AKAP8: variants seen among roughly 807,000 people sequenced by gnomAD.
AKAP8 encodes the protein A-kinase anchor protein 8.
In AKAP8, 24 loss-of-function variants were observed where a neutral mutation model predicts 67.5. That is an observed-to-expected ratio of 0.36 (90% CI 0.26 to 0.50). The LOEUF (loss-of-function observed/expected upper bound fraction) is 0.50, where lower values mean the gene tolerates loss of function less well. Among genes scored for constraint, AKAP8 ranks in the 20% least tolerant of loss-of-function variants. AKAP8 has a pLI of 0.97. For missense variants in AKAP8, 971 were observed against 955.9 expected (o/e 1.02, Z -0.21); for synonymous variants, 400 against 371.1 (o/e 1.08, Z -0.90).
chr19:15,362,930 C>T (rs954954920), intron 9 of AKAP8, among the ~76,000 whole-genome samples: 2 of 151,806 alleles, frequency 1.3e-5, no homozygotes, highest in African/African-American at 4.8e-5. Flanking sequence ...TCTTCCCGGC[C>T]GCCATCACAT....
intron 7 of AKAP8, among the ~76,000 whole-genome samples, chr19:15,370,999 G>A (rs1967148113): frequency 6.6e-6 from 1 of 152,184 alleles, no homozygotes; most frequent in African/African-American, 2.4e-5. Flanking sequence ...TCTGAACAGA[G>A]CTGACTCCTT....
chr19:15,363,421 C>T (rs1458457570), intron 9 of AKAP8, among the ~76,000 whole-genome samples: 4 of 149,696 alleles, frequency 2.7e-5, no homozygotes, highest in Admixed American at 6.6e-5. Context: ...TCTGCCCGGC[C>T]GCCCCTACTG....
At chr19:15,357,839 G>A (rs945608242) in intron 13 of AKAP8, among the ~76,000 whole-genome samples, 5 of 149,744 alleles carry the variant, frequency 3.3e-5, no homozygotes, top group East Asian at 2.0e-4. Context: ...ATGCCACCAC[G>A]CCTGGCTAAT....
chr19:15,371,537 G>A (rs569057664), intron 7 of AKAP8, among the ~76,000 whole-genome samples: 1 of 151,172 alleles, frequency 6.6e-6, no homozygotes, highest in South Asian at 2.1e-4. Flanking sequence ...CGCCCAGGCT[G>A]GGGTGCAGTG....
chr19:15,375,642 GT>G (rs58762120), intron 2 of AKAP8, among the ~76,000 whole-genome samples: 5 of 142,440 alleles, frequency 3.5e-5, no homozygotes, highest in African/African-American at 2.6e-5. Flanking sequence ...TTTTTTTTTT[GT>G]TTTTTTTTTT....
At chr19:15,373,686 A>G in intron 4 of AKAP8, 100 bp downstream of exon 4, 2 of 1,373,832 alleles carry the variant, frequency 1.5e-6, no homozygotes, top group Non-Finnish European at 1.9e-6. Context: ...CCCAAGAGGG[A>G]GGCGGGGACA....
At position 15,369,335 on chromosome 19, in the gene AKAP8, G is replaced by T. The variant is rs915504371; in HGVS notation, c.1072+811C>A. 1.1e-6 allele frequency: 1 copy of T among 895,432 alleles called. No homozygotes were observed. Among genetic ancestry groups the T allele is most frequent in the African/African-American group, 1.8e-5 (1 of 55,456 alleles). The allele number at this position is 895,432 out of a possible 1,614,324, so 55.5% of individuals were successfully genotyped here. On this transcript the variant is annotated intron_variant, in intron 8 of 13. Transcript: ENST00000269701. This position sits in a 1 kb window ranked among gnomAD's most constrained non-coding sequence, Gnocchi z 4.6. Reference sequence around the variant, plus strand: ...GGGTCGCGGGGGGGAGGACCGCAGAGGGCTGGCAAAGCCTGAACAGGAGGA... The same window carrying T: ...GGGTCGCGGGGGGGAGGACCGCAGATGGCTGGCAAAGCCTGAACAGGAGGA...
chr19:15,362,305 C>A, intron 9 of AKAP8, 54 bp from the exon 10 acceptor site: 1 of 1,596,504 alleles, frequency 6.3e-7, no homozygotes, highest in Admixed American at 1.7e-5. Flanking sequence ...GCGAGTGAAG[C>A]AGGGGGCATC....
intron 9 of AKAP8, among the ~76,000 whole-genome samples, chr19:15,364,802 C>T (rs1015951626): frequency 3.9e-5 from 6 of 151,908 alleles, no homozygotes; most frequent in Non-Finnish European, 7.4e-5. Context: ...TTCTTTTTCT[C>T]GAGATGAGAT....
chr19:15,361,683 C>A (rs747826001), intron 11 of AKAP8, 46 bp downstream of exon 11: 1 of 1,544,072 alleles, frequency 6.5e-7, no homozygotes, highest in Non-Finnish European at 9.0e-7. Context: ...CTGTCACATG[C>A]CTTACTACCA....
intron 13 of AKAP8, 117 bp downstream of exon 13, chr19:15,358,850 C>CA (rs972935563): frequency 3.2e-6 from 3 of 923,834 alleles, no homozygotes; most frequent in Non-Finnish European, 5.2e-6. Flanking sequence ...CAGTGTCCCT[C>CA]AACTGTCAAA....
intron 9 of AKAP8, 109 bp downstream of exon 9, chr19:15,368,126 A>C: frequency 7.0e-7 from 1 of 1,427,294 alleles, no homozygotes; most frequent in Non-Finnish European, 9.6e-7. Context: ...TGGCCAGAGG[A>C]GTCAGGCCAC....
chr19:15,367,256 G>A (rs534775348), intron 9 of AKAP8, among the ~76,000 whole-genome samples: 6 of 152,278 alleles, frequency 3.9e-5, no homozygotes, highest in Admixed American at 2.0e-4. Flanking sequence ...CAGACTGGGC[G>A]CAGTGGCTCA....
rs778036536 is a variant in AKAP8 at position 15,372,399 on chromosome 19, C to T, written c.862-52G>A. 4.4e-5 allele frequency: 71 copies of T among 1,598,488 alleles called. No individual in the cohort carries two copies. In the Middle Eastern group the frequency reaches 1.0e-3, roughly 22 times the overall value. ...GCTACTTACGAGGGCCATGAAGATG[C>T]CCCACAGAAAAGAACAAGGAGGTTG... On this transcript the variant is annotated intron_variant, in intron 5 of 13. Transcript: ENST00000269701.
Position 15,354,767 on chromosome 19 carries a change from C to A in AKAP8, c.*148G>T, listed in dbSNP as rs780670077. The A allele has an allele frequency of 1.0e-5, 9 of 886,394 alleles. No individual in the cohort carries two copies. The highest frequency in any genetic ancestry group is 1.5e-5 in the Non-Finnish European group (9 of 590,712). The allele number at this position is 886,394 out of a possible 1,614,324, so 54.9% of individuals were successfully genotyped here. ...TGCATGAGACAAGCCGTGAGAGGCACTGCTCAGGAGGAAACGCTGGGTCTC... is the reference window on the plus strand; with the variant it reads ...TGCATGAGACAAGCCGTGAGAGGCAATGCTCAGGAGGAAACGCTGGGTCTC... On this transcript the variant is annotated 3_prime_UTR_variant, in exon 14 of 14. Transcript: ENST00000269701.
chr19:15,366,837 A>G (rs1339377088), intron 9 of AKAP8, among the ~76,000 whole-genome samples: 2 of 151,802 alleles, frequency 1.3e-5, no homozygotes, highest in Non-Finnish European at 2.9e-5. Flanking sequence ...TCGAACTCCC[A>G]ACCTCAGGTG....
In AKAP8 at chr19:15,373,323, G is replaced by C. The variant is rs750317687; in HGVS notation, c.389C>G (p.Pro130Arg). The C allele has an allele frequency of 6.2e-7, 1 of 1,608,910 alleles. No individual in the cohort carries two copies. The highest frequency in any genetic ancestry group is 8.5e-7 in the Non-Finnish European group (1 of 1,177,402). The change falls in exon 5 of 14, where the codon CCG (proline) becomes CGG (arginine). Residue 130 changes from proline (P) to arginine (R), a missense_variant. Coordinates refer to ENST00000269701, the MANE Select transcript of AKAP8 (RefSeq NM_005858.4). Reference sequence around the variant, plus strand: ...GGGCCTGGAGTCATAGGACTCGAACGGCTGGAAGCGGAAGGAGCTGCAACA... The same window carrying C: ...GGGCCTGGAGTCATAGGACTCGAACCGCTGGAAGCGGAAGGAGCTGCAACA... Reference protein sequence around the residue: ...QDRESSFRFQPFESYDSRPCL... With the variant: ...QDRESSFRFQRFESYDSRPCL...
Position 15,355,138 on chromosome 19 carries a change from G to C in AKAP8, c.1856C>G (p.Pro619Arg). ...CTCTTCCAGCAGCTGTTCGGCTTGAGGATCACTACCGGCCTCCGCTGTGTC... is the reference window on the plus strand; with the variant it reads ...CTCTTCCAGCAGCTGTTCGGCTTGACGATCACTACCGGCCTCCGCTGTGTC... ...PTDTAEAGSD[P>R]QAEQLLEEQV... is the part of the protein sequence containing the mutation. The change falls in exon 14 of 14, where the codon CCT (proline) becomes CGT (arginine). Residue 619 changes from proline (P) to arginine (R), a missense_variant. Pro to Arg is a moderately radical substitution (Grantham distance 103). Transcript: ENST00000269701. 4 of 1,613,412 alleles carry C rather than the reference G, an allele frequency of 2.5e-6. No homozygotes were observed. The highest frequency in any genetic ancestry group is 3.4e-6 in the Non-Finnish European group (4 of 1,180,032).
chr19:15,365,154 T>C (rs914124664), intron 9 of AKAP8, among the ~76,000 whole-genome samples: 1 of 152,224 alleles, frequency 6.6e-6, no homozygotes, highest in Non-Finnish European at 1.5e-5. Flanking sequence ...CTGGCAGCTC[T>C]TGGGGCCCAG....
Sources: gnomAD v4.1 joint callset for allele counts (sites outside exome capture counted in the v4.1 genomes callset) on GRCh38, gnomAD v4.1.1 for gene constraint, Gnocchi (gnomAD v3.1) non-coding constraint, MANE v1.5 for transcripts, NCBI Gene and HGNC (gene_info 2026-07-23, HGNC 2026-07-21) for gene names.